Variants in ADGRL2 observed in about 807,000 individuals in gnomAD.
The protein encoded by ADGRL2 is adhesion G protein-coupled receptor L2.
A neutral mutation model predicts 157.4 loss-of-function variants in ADGRL2; 44 were observed. That is an observed-to-expected ratio of 0.28 (90% confidence interval 0.22 to 0.36). The LOEUF (loss-of-function observed/expected upper bound fraction) is 0.36. ADGRL2 is among the 10% of genes least tolerant of loss of function. ADGRL2 has a pLI of 1.00. For synonymous variants in ADGRL2, 585 were observed against 624.7 expected, an observed-to-expected ratio of 0.94 and a Z score of 0.95; for missense variants, 1,510 against 1,768.9, an observed-to-expected ratio of 0.85 and a Z score of 2.63.
At chr1:81,759,509 TTAAC>T (rs762074806) in intron 1 of ADGRL2, among the ~76,000 whole-genome samples, 10 of 152,152 alleles carry the variant, frequency 6.6e-5, no homozygotes, top group Non-Finnish European at 1.2e-4. Flanking sequence ...GAAAGTATAA[TTAAC>T]TAACATTTTA....
intron 1 of ADGRL2, among the ~76,000 whole-genome samples, chr1:81,700,390 A>C (rs1262623937): frequency 6.6e-6 from 1 of 152,210 alleles, no homozygotes; most frequent in Non-Finnish European, 1.5e-5. Flanking sequence ...AAAAAGTCTT[A>C]ATCGAATCTA....
At chr1:81,822,992 G>C (rs1199269045) in intron 1 of ADGRL2, among the ~76,000 whole-genome samples, 1 of 151,982 alleles carries the variant, frequency 6.6e-6, no homozygotes, top group Non-Finnish European at 1.5e-5. Context: ...AAAACTTCCA[G>C]AAGAAGTAGT....
intron 6 of ADGRL2, among the ~76,000 whole-genome samples, chr1:81,949,935 A>C (rs1651205157): frequency 6.6e-6 from 1 of 152,234 alleles, no homozygotes; most frequent in African/African-American, 2.4e-5. Flanking sequence ...TAAACTTAAG[A>C]GTCATACAGC....
At chr1:81,748,907 C>T (rs2085401630) in intron 1 of ADGRL2, among the ~76,000 whole-genome samples, 1 of 151,966 alleles carries the variant, frequency 6.6e-6, no homozygotes, top group South Asian at 2.1e-4. Context: ...ACCTCAGGTG[C>T]TCCACCCGCC....
intron 2 of ADGRL2, among the ~76,000 whole-genome samples, chr1:81,464,945 A>G (rs970904393): frequency 2.6e-5 from 4 of 151,558 alleles, no homozygotes; most frequent in African/African-American, 9.7e-5. Context: ...AAAAAAAAAA[A>G]AAGAAGAAGA....
At chr1:81,977,608 G>C (rs370138033) in intron 17 of ADGRL2, among the ~76,000 whole-genome samples, 2 of 151,590 alleles carry the variant, frequency 1.3e-5, no homozygotes, top group African/African-American at 4.8e-5. Context: ...TACTTTATAT[G>C]TTCACATTTT....
At chr1:81,780,614 CAA>C (rs1292551427) in intron 2 of ADGRL2, among the ~76,000 whole-genome samples, 9 of 152,180 alleles carry the variant, frequency 5.9e-5, no homozygotes, top group African/African-American at 1.7e-4. Flanking sequence ...GTTAATAGCG[CAA>C]AGATTTACTT....
chr1:81,965,816 TA>T (rs561021310), intron 11 of ADGRL2, among the ~76,000 whole-genome samples: 9 of 152,216 alleles, frequency 5.9e-5, no homozygotes, highest in Non-Finnish European at 1.3e-4. Flanking sequence ...ACAAAAGAGA[TA>T]AAAATATGAA....
chr1:81,790,806 T>C (rs1397995398), intron 2 of ADGRL2, among the ~76,000 whole-genome samples: 2 of 152,110 alleles, frequency 1.3e-5, no homozygotes, highest in African/African-American at 4.8e-5. Flanking sequence ...TTCTGAATAG[T>C]ATAATACTTC....
chr1:81,558,379 T>A (rs1337527302), intron 2 of ADGRL2, among the ~76,000 whole-genome samples: 2 of 152,176 alleles, frequency 1.3e-5, no homozygotes, highest in Non-Finnish European at 2.9e-5. Context: ...AAAAAAAATT[T>A]CTCACATGAA....
At chr1:81,706,422 A>T (rs1002340130) in intron 1 of ADGRL2, among the ~76,000 whole-genome samples, 1 of 152,016 alleles carries the variant, frequency 6.6e-6, no homozygotes, top group Non-Finnish European at 1.5e-5. Flanking sequence ...TAAATGTGAG[A>T]GGGAAGATAT....
intron 2 of ADGRL2, among the ~76,000 whole-genome samples, chr1:81,852,283 A>G (rs2093040054): frequency 6.6e-6 from 1 of 152,110 alleles, no homozygotes; most frequent in Non-Finnish European, 1.5e-5. Context: ...AGTAGCTGAA[A>G]AGAATGTATT....
intron 1 of ADGRL2, among the ~76,000 whole-genome samples, chr1:81,354,895 C>A (rs1030064100): frequency 2.0e-5 from 3 of 152,110 alleles, no homozygotes; most frequent in African/African-American, 7.2e-5. Context: ...GGCATTTAAC[C>A]CGTGGCTGCC....
intron 2 of ADGRL2, among the ~76,000 whole-genome samples, chr1:81,493,881 C>A (rs184052428): frequency 2.5e-4 from 38 of 152,012 alleles, no homozygotes; most frequent in African/African-American, 6.8e-4. Flanking sequence ...GGGGAGAGGG[C>A]TTATTAATTA....
chr1:81,770,404 G>A (rs12128599), intron 2 of ADGRL2, among the ~76,000 whole-genome samples: 7 of 151,412 alleles, frequency 4.6e-5, no homozygotes, highest in East Asian at 2.0e-4. Context: ...CCTGTAATTC[G>A]CCCGCCTTGG....
At position 81,954,452 on chromosome 1, in the gene ADGRL2, A is replaced by T. The variant is rs1442591685; in HGVS notation, c.1834-1425A>T. On this transcript the variant is annotated intron_variant, in intron 10 of 23. Transcript: ENST00000686636. ...TTCTCTGTTCAGATAAGACTAATAA[A>T]ACTCTTTAAATTACAAATCAGAAGC... Among the ~76,000 whole-genome samples the T allele has an allele frequency of 2.0e-5, 3 of 152,158 alleles. No individual in the cohort carries two copies. The East Asian group carries it at 5.8e-4, about 29-fold the overall frequency.
At chr1:81,319,320 A>G (rs924712396) in intron 1 of ADGRL2, among the ~76,000 whole-genome samples, 1 of 152,202 alleles carries the variant, frequency 6.6e-6, no homozygotes, top group East Asian at 1.9e-4. Flanking sequence ...CCAGATTTAT[A>G]CTTCTTTAAT....
intron 2 of ADGRL2, among the ~76,000 whole-genome samples, chr1:81,788,552 T>G (rs1301848674): frequency 3.3e-5 from 5 of 152,216 alleles, no homozygotes; most frequent in Non-Finnish European, 7.3e-5. Flanking sequence ...TTCTTTTCCC[T>G]ATGAATTACC....
chr1:81,790,258 C>T (rs181962757), intron 2 of ADGRL2, among the ~76,000 whole-genome samples: 117 of 152,190 alleles, frequency 7.7e-4, no homozygotes, highest in Admixed American at 5.8e-3. Flanking sequence ...ATCTAATGCA[C>T]GCACACACAC....
Sources: allele counts gnomAD v4.1 joint callset (sites outside exome capture counted in the v4.1 genomes callset), GRCh38; gene constraint gnomAD v4.1.1; transcripts MANE v1.5; gene names NCBI Gene and HGNC (gene_info 2026-07-23, HGNC 2026-07-21).